Variants in NBAS observed in about 807,000 individuals in gnomAD.
NBAS encodes the protein NBAS subunit of NRZ tethering complex, also known as NAG/BC035112 fusion.
In NBAS, 219 loss-of-function variants were observed where a neutral mutation model predicts 302.5. The ratio of observed to expected loss-of-function variants is 0.72; its 90% CI spans 0.65 to 0.81. The LOEUF is 0.81. Ranked by LOEUF, NBAS falls within the 30% of genes least tolerant of loss-of-function variation. The pLI is 0.00. For synonymous variants in NBAS, 1,118 were observed against 1,021.6 expected, an observed-to-expected ratio of 1.09 and a Z score of -1.80; for missense variants, 2,932 against 2,841.6, an observed-to-expected ratio of 1.03 and a Z score of -0.72.
intron 19 of NBAS, among the ~76,000 whole-genome samples, chr2:15,464,956 A>G (rs1229471259): frequency 6.6e-6 from 1 of 152,228 alleles, no homozygotes; most frequent in Non-Finnish European, 1.5e-5. Flanking sequence ...CTCGTCAGAG[A>G]GACCTGATTA....
the NBAS span, among the ~76,000 whole-genome samples, chr2:14,934,021 G>T: frequency 2.6e-5 from 4 of 152,164 alleles, no homozygotes; most frequent in African/African-American, 9.7e-5. Context: ...GGAGAGTAGT[G>T]TAATGTGCTT....
chr2:15,439,699 G>A (rs147717303), intron 21 of NBAS, among the ~76,000 whole-genome samples: 1,944 of 152,278 alleles, frequency 0.013, 32 homozygotes, highest in East Asian at 0.059. Context: ...GAAGTAGGGC[G>A]AGGCATTGCC....
At chr2:15,265,245 C>T (rs1669027120) in intron 44 of NBAS, among the ~76,000 whole-genome samples, 1 of 152,156 alleles carries the variant, frequency 6.6e-6, no homozygotes, top group Admixed American at 6.5e-5. Flanking sequence ...CATGCAATCT[C>T]ATGCGATCAA....
At chr2:14,986,741 C>T in the NBAS span, among the ~76,000 whole-genome samples, 1 of 152,016 alleles carries the variant, frequency 6.6e-6, no homozygotes, top group Non-Finnish European at 1.5e-5. Flanking sequence ...TCCCCTAAAG[C>T]AATCTGTAAG....
chr2:15,488,781 TG>T, intron 12 of NBAS, 112 bp downstream of exon 12: 1 of 1,359,908 alleles, frequency 7.4e-7, no homozygotes, highest in South Asian at 1.2e-5. Flanking sequence ...AGAAGAGCTT[TG>T]GAACGATGAG....
the NBAS span, among the ~76,000 whole-genome samples, chr2:15,121,738 T>C: frequency 1.6e-4 from 25 of 152,234 alleles, no homozygotes; most frequent in African/African-American, 6.0e-4. Flanking sequence ...AAATTTTTTT[T>C]TTTTTTGCCC....
chr2:14,891,204 C>T, the NBAS span, among the ~76,000 whole-genome samples: 21 of 152,244 alleles, frequency 1.4e-4, no homozygotes, highest in Admixed American at 4.6e-4. Context: ...GGCTGGGCTA[C>T]GGGACAGGAG....
At chr2:15,295,702 A>C (rs1441929118) in intron 40 of NBAS, among the ~76,000 whole-genome samples, 1 of 152,170 alleles carries the variant, frequency 6.6e-6, no homozygotes, top group East Asian at 1.9e-4. Context: ...GAGGGCAGAG[A>C]TCATGTGTAT....
the NBAS span, among the ~76,000 whole-genome samples, chr2:15,021,393 C>T: frequency 6.6e-6 from 1 of 152,088 alleles, no homozygotes; most frequent in Non-Finnish European, 1.5e-5. Flanking sequence ...CGGAGGAGTA[C>T]GTAATCACCT....
chr2:15,123,975 G>A, the NBAS span, among the ~76,000 whole-genome samples: 2 of 152,182 alleles, frequency 1.3e-5, no homozygotes, highest in East Asian at 3.8e-4. Flanking sequence ...AGAGAAGACA[G>A]GAAGACAAGG....
chr2:15,464,134 C>G (rs72778638), intron 19 of NBAS, among the ~76,000 whole-genome samples: 3,605 of 152,188 alleles, frequency 0.024, 57 homozygotes, highest in Non-Finnish European at 0.035. Context: ...TAATAAAAAC[C>G]TAAAAAATTG....
At chr2:14,969,850 G>T in the NBAS span, among the ~76,000 whole-genome samples, 14 of 152,152 alleles carry the variant, frequency 9.2e-5, no homozygotes, top group Non-Finnish European at 1.9e-4. Context: ...CGGGTGGTGG[G>T]GGGGATGGGA....
chr2:15,430,502 T>G (rs73917337), intron 21 of NBAS, among the ~76,000 whole-genome samples: 2,866 of 152,322 alleles, frequency 0.019, 84 homozygotes, highest in African/African-American at 0.064. Flanking sequence ...AATACAATGC[T>G]GTTAACATAA....
At chr2:14,872,261 T>C in the NBAS span, among the ~76,000 whole-genome samples, 92 of 152,098 alleles carry the variant, frequency 6.0e-4, no homozygotes, top group Admixed American at 1.2e-3. Context: ...AAAGGAAAAA[T>C]AGGGAAAGCC....
the NBAS span, among the ~76,000 whole-genome samples, chr2:15,044,330 A>C: frequency 6.6e-6 from 1 of 152,212 alleles, no homozygotes; most frequent in Admixed American, 6.5e-5. Flanking sequence ...GCGACAGCTG[A>C]CTTGACAATG....
chr2:14,807,146 G>A, the NBAS span, among the ~76,000 whole-genome samples: 1 of 151,994 alleles, frequency 6.6e-6, no homozygotes, highest in Non-Finnish European at 1.5e-5. Context: ...ATATCAGGGG[G>A]GGGTTCACAT....
At chr2:15,101,365 T>A in the NBAS span, among the ~76,000 whole-genome samples, 1 of 152,106 alleles carries the variant, frequency 6.6e-6, no homozygotes, top group African/African-American at 2.4e-5. Context: ...GTTGTTATTA[T>A]CCCAAACCTT....
chr2:15,418,932 G>A (rs1191122459), intron 23 of NBAS, among the ~76,000 whole-genome samples: 3 of 152,134 alleles, frequency 2.0e-5, no homozygotes, highest in African/African-American at 2.4e-5. Flanking sequence ...GCTACACTTT[G>A]GAAGGAATAC....
chr2:15,005,749 C>T, the NBAS span, among the ~76,000 whole-genome samples: 11 of 152,248 alleles, frequency 7.2e-5, no homozygotes, highest in Admixed American at 2.6e-4. Flanking sequence ...GTTGAGAACA[C>T]TGCACAACTC....
Sources: allele counts gnomAD v4.1 joint callset (sites outside exome capture counted in the v4.1 genomes callset), GRCh38; gene constraint gnomAD v4.1.1; transcripts MANE v1.5; gene names NCBI Gene and HGNC (gene_info 2026-07-23, HGNC 2026-07-21).